Variants in REC114 observed in about 807,000 individuals in gnomAD.
REC114 encodes REC114 meiotic recombination protein.
In REC114, 27 loss-of-function variants were observed where a neutral mutation model predicts 31.3. The ratio of observed to expected loss-of-function variants is 0.86; its 90% confidence interval spans 0.64 to 1.19. REC114 has a LOEUF of 1.19. Among genes scored for constraint, REC114 ranks in the 50% most tolerant of loss-of-function variants. REC114 has a pLI of 0.00. For synonymous variants in REC114, 134 were observed against 127.7 expected (o/e 1.05, Z -0.33); for missense variants, 344 against 326.9 (o/e 1.05, Z -0.40).
At chr15:73,541,100 T>C (rs564654925) in intron 3 of REC114, among the ~76,000 whole-genome samples, 6 of 152,258 alleles carry the variant, frequency 3.9e-5, no homozygotes, top group African/African-American at 1.4e-4. Flanking sequence ...ATATTGAAAT[T>C]TAAGTGAAAG....
intron 2 of REC114, among the ~76,000 whole-genome samples, chr15:73,496,314 T>G (rs558970150): frequency 3.0e-4 from 38 of 124,630 alleles, no homozygotes; most frequent in African/African-American, 1.2e-3. Context: ...ATCGTGCCAC[T>G]GCAAATTCAG....
intron 2 of REC114, among the ~76,000 whole-genome samples, chr15:73,502,842 C>T (rs113262661): frequency 0.044 from 6,706 of 152,158 alleles, 255 homozygotes; most frequent in African/African-American, 0.1. Context: ...CTTTAGAATC[C>T]TGTTACCTCC....
At chr15:73,558,999 T>C (rs1459042571) in intron 5 of REC114, among the ~76,000 whole-genome samples, 1 of 152,250 alleles carries the variant, frequency 6.6e-6, no homozygotes, top group East Asian at 1.9e-4. Context: ...CTCAACATCA[T>C]GGATTAATCC....
chr15:73,533,607 T>A (rs1894115780), intron 2 of REC114, among the ~76,000 whole-genome samples: 3 of 150,804 alleles, frequency 2.0e-5, no homozygotes, highest in Non-Finnish European at 1.5e-5. Flanking sequence ...AACACCCCAA[T>A]GTCAACATTA....
At chr15:73,448,986 C>T (rs1259163419) in intron 1 of REC114, among the ~76,000 whole-genome samples, 1 of 152,086 alleles carries the variant, frequency 6.6e-6, no homozygotes, top group Non-Finnish European at 1.5e-5. Context: ...AGACCCCACC[C>T]AAAGGTCACC....
intron 3 of REC114, among the ~76,000 whole-genome samples, chr15:73,541,911 A>G (rs369675469): frequency 6.6e-6 from 1 of 152,372 alleles, no homozygotes; most frequent in East Asian, 1.9e-4. Context: ...CTCAAAAATA[A>G]TTATTAATAT....
At chr15:73,451,797 G>A (rs1892853474) in intron 1 of REC114, among the ~76,000 whole-genome samples, 1 of 152,190 alleles carries the variant, frequency 6.6e-6, no homozygotes, top group African/African-American at 2.4e-5. Context: ...GATCAAGTCA[G>A]CTTCATCCCT....
chr15:73,550,620 A>G (rs1424082431), intron 3 of REC114, among the ~76,000 whole-genome samples: 1 of 152,184 alleles, frequency 6.6e-6, no homozygotes, highest in Non-Finnish European at 1.5e-5. Context: ...AGAAGCTATG[A>G]AATCTTTATT....
At chr15:73,521,855 T>C (rs1428403834) in intron 2 of REC114, among the ~76,000 whole-genome samples, 2 of 152,198 alleles carry the variant, frequency 1.3e-5, no homozygotes, top group Non-Finnish European at 2.9e-5. Flanking sequence ...TGTAGGCCCA[T>C]GTAACTTGTC....
chr15:73,527,587 C>T (rs1345514283), intron 2 of REC114, among the ~76,000 whole-genome samples: 1 of 152,174 alleles, frequency 6.6e-6, no homozygotes, highest in Non-Finnish European at 1.5e-5. Context: ...CTATTTTCTA[C>T]TGTCTGAAAA....
chr15:73,529,729 G>T (rs1251135758), intron 2 of REC114, among the ~76,000 whole-genome samples: 3 of 152,150 alleles, frequency 2.0e-5, no homozygotes, highest in African/African-American at 7.2e-5. Context: ...CCTAGTAATT[G>T]AATGCCTCTT....
intron 1 of REC114, among the ~76,000 whole-genome samples, chr15:73,470,594 T>C (rs1488646895): frequency 6.6e-6 from 1 of 152,154 alleles, no homozygotes; most frequent in Non-Finnish European, 1.5e-5. Context: ...GGCATTTGAA[T>C]ATAACAGTGT....
At chr15:73,544,586 C>CT (rs1301751625) in intron 3 of REC114, among the ~76,000 whole-genome samples, 1 of 152,094 alleles carries the variant, frequency 6.6e-6, no homozygotes, top group Non-Finnish European at 1.5e-5. Flanking sequence ...AATTCCTTAT[C>CT]TTAAGGGCAC....
At chr15:73,508,588 T>G (rs1469287300) in intron 2 of REC114, among the ~76,000 whole-genome samples, 2 of 86,882 alleles carry the variant, frequency 2.3e-5, no homozygotes, top group Admixed American at 1.5e-4. Context: ...ATGCTATCCC[T>G]CCCCCCTCCC....
chr15:73,515,703 G>A (rs538435221), intron 2 of REC114, among the ~76,000 whole-genome samples: 2 of 152,172 alleles, frequency 1.3e-5, no homozygotes, highest in Non-Finnish European at 2.9e-5. Flanking sequence ...CACACAGCAA[G>A]AAGGCAGCTG....
chr15:73,465,470 GA>G (rs988438215), intron 1 of REC114, among the ~76,000 whole-genome samples: 2 of 152,130 alleles, frequency 1.3e-5, no homozygotes, highest in African/African-American at 4.8e-5. Flanking sequence ...CACCTTCTCA[GA>G]TGCCTACCTT....
At chr15:73,517,627 T>TGGC (rs1425595203) in intron 2 of REC114, among the ~76,000 whole-genome samples, 4 of 152,330 alleles carry the variant, frequency 2.6e-5, no homozygotes, top group African/African-American at 9.6e-5. Context: ...GAGCCAGGCC[T>TGGC]GGCAGCAGGC....
At chr15:73,498,821 G>T (rs1467147622) in intron 2 of REC114, among the ~76,000 whole-genome samples, 1 of 152,150 alleles carries the variant, frequency 6.6e-6, no homozygotes, top group Non-Finnish European at 1.5e-5. Context: ...CCTCCTTGTT[G>T]CATATGTGTA....
rs78265864 is a variant in REC114, at chr15:73,473,904, C to A, written c.232C>A (p.Gln78Lys). The change falls in exon 2 of 6, where the codon CAA (glutamine) becomes AAA (lysine). Residue 78 changes from glutamine (Q) to lysine (K), a missense_variant. Physicochemically the swap from Gln to Lys is moderately conservative, Grantham distance 53. Transcript: ENST00000331090. ...IVISGHFFIFQGQTLLEGFSL... is the reference protein window; with the variant it reads ...IVISGHFFIFKGQTLLEGFSL... The stretch of plus-strand genomic sequence containing the variant: ...TATATCAGGTCATTTCTTCATTTTC[C>A]AAGGACAGACACTACTGGTAGGTTT... 1 of 1,575,768 alleles carries A rather than the reference C, an allele frequency of 6.3e-7. No individual in the cohort carries two copies.
Sources: gnomAD v4.1 joint callset for allele counts (sites outside exome capture counted in the v4.1 genomes callset) on GRCh38, gnomAD v4.1.1 for gene constraint, MANE v1.5 for transcripts, NCBI Gene and HGNC (gene_info 2026-07-23, HGNC 2026-07-21) for gene names.